Variants in CASZ1 observed in about 807,000 individuals in gnomAD.
The protein encoded by CASZ1 is castor zinc finger 1.
A neutral mutation model predicts 135.2 loss-of-function variants in CASZ1; 28 were observed. The observed-to-expected ratio is 0.21, with a 90% confidence interval of 0.15 to 0.28. CASZ1 has a LOEUF of 0.28. Ranked by LOEUF, CASZ1 falls within the 10% of genes least tolerant of loss-of-function variation. CASZ1 has a pLI of 1.00. For missense variants in CASZ1, 2,161 were observed against 2,453.3 expected (o/e 0.88, Z 2.52); for synonymous variants, 1,068 against 1,073.4 (o/e 0.99, Z 0.10).
chr1:10,747,289 G>T lies in CASZ1; in HGVS notation c.-77+13412C>A, dbSNP rs1014453945. Among the ~76,000 whole-genome samples, 2 of 152,180 alleles carry T rather than the reference G, an allele frequency of 1.3e-5. No individual in the cohort carries two copies. Among genetic ancestry groups the T allele is most frequent in the African/African-American group, 2.4e-5 (1 of 41,432 alleles). ...AGGTGGGGTCTGCAGAGAGAGGCAGGGTTCTGAATACGCTCATCTTTCGTA... is the reference window on the plus strand; with the variant it reads ...AGGTGGGGTCTGCAGAGAGAGGCAGTGTTCTGAATACGCTCATCTTTCGTA... On this transcript the variant is annotated intron_variant, in intron 2 of 20. Coordinates refer to ENST00000377022, the MANE Select transcript of CASZ1 (RefSeq NM_001079843.3). The surrounding 1 kb of genome is among the most constrained non-coding windows in gnomAD (Gnocchi z 4.3).
rs533293338 is a variant in CASZ1 at position 10,651,012 on chromosome 1, C to G, written c.2745G>C (p.Glu915Asp). The change falls in exon 12 of 21, where the codon GAG becomes GAC. Residue 915 changes from glutamate to aspartate, a missense_variant. By Grantham distance (45) the Glu-to-Asp change is conservative. Transcript: ENST00000377022. ...PPAQVKPEPG[E>D]STGAPGPHEA... The stretch of plus-strand genomic sequence containing the variant: ...CGTGGGGGCCTGGGGCGCCGGTGCT[C>G]TCACCGGGTTCCGGCTTCACTTGGG... 4.5e-6 allele frequency: 7 copies of G among 1,568,510 alleles called. No homozygotes were observed. The South Asian group carries it at 8.4e-5, about 19-fold the overall frequency.
Position 10,776,913 on chromosome 1 carries a change from A to T in CASZ1, c.-233-16056T>A, listed in dbSNP as rs1359507011. On this transcript the variant is annotated intron_variant, in intron 1 of 20. Transcript: ENST00000377022. This position sits in a 1 kb window ranked among gnomAD's most constrained non-coding sequence, Gnocchi z 4.1. ...CAGTCCCTAAAACCAGTCACCCCCA[A>T]ACACAGCCCCACCATCTGATCCCCT... Among the ~76,000 whole-genome samples the T allele has an allele frequency of 6.6e-6, 1 of 152,134 alleles. No individual in the cohort carries two copies. Among genetic ancestry groups the T allele is most frequent in the Non-Finnish European group, 1.5e-5 (1 of 67,996 alleles).
intron 1 of CASZ1, among the ~76,000 whole-genome samples, chr1:10,778,947 A>G (rs1209027300): frequency 2.6e-5 from 4 of 152,218 alleles, no homozygotes; most frequent in African/African-American, 9.7e-5. Context: ...ATCCTAGCCC[A>G]GAGGTGGGTA....
chr1:10,679,092 G>A lies in CASZ1; in HGVS notation c.17-13521C>T, dbSNP rs1638331980. ...CCTCCATCACTGCTCCCTGGGCCATGAAGAGCTGAGGTTCAGGAGGGGTAC... is the reference window on the plus strand; with the variant it reads ...CCTCCATCACTGCTCCCTGGGCCATAAAGAGCTGAGGTTCAGGAGGGGTAC... On this transcript the variant is annotated intron_variant, in intron 4 of 20. Transcript: ENST00000377022. This position sits in a 1 kb window ranked among gnomAD's most constrained non-coding sequence, Gnocchi z 4.7. Among the ~76,000 whole-genome samples, 1 of 152,190 alleles carries A rather than the reference G, an allele frequency of 6.6e-6. No individual in the cohort carries two copies. Among genetic ancestry groups the A allele is most frequent in the South Asian group, 2.1e-4 (1 of 4,824 alleles).
rs532929836 is a variant in CASZ1 at position 10,733,915 on chromosome 1, C to T, written c.-77+26786G>A. The stretch of plus-strand genomic sequence containing the variant: ...TCCATGAAATAATGCAGCTAAAGGG[C>T]GTGGCACAGCACTTGGCACATACTA... On this transcript the variant is annotated intron_variant, in intron 2 of 20. Transcript: ENST00000377022. Among the ~76,000 whole-genome samples, 15 of 152,244 alleles carry T rather than the reference C, an allele frequency of 9.9e-5. 1 individual carries two copies. Among genetic ancestry groups the T allele is most frequent in the African/African-American group, 4.8e-5 (2 of 41,548 alleles).
At chr1:10,705,854 C>T (rs544716653) in intron 2 of CASZ1, among the ~76,000 whole-genome samples, 28 of 152,394 alleles carry the variant, frequency 1.8e-4, no homozygotes, top group Non-Finnish European at 2.6e-4. Context: ...GTGCACACTG[C>T]TCCGTGGAGG....
chr1:10,663,960 C>G (rs758038554), intron 5 of CASZ1, among the ~76,000 whole-genome samples: 2 of 152,294 alleles, frequency 1.3e-5, no homozygotes, highest in South Asian at 2.1e-4. Flanking sequence ...TGGCCCTTGT[C>G]GCGTTCCTCT....
At position 10,707,212 on chromosome 1, in the gene CASZ1, CCCTT is replaced by C. The variant is rs1639195806; in HGVS notation, c.-76-1672_-76-1669del. Among the ~76,000 whole-genome samples, 1 of 152,182 alleles carries C rather than the reference CCCTT, an allele frequency of 6.6e-6. No individual in the cohort carries two copies. The highest frequency in any genetic ancestry group is 6.5e-5 in the Admixed American group (1 of 15,282). On this transcript the variant is annotated intron_variant, in intron 2 of 20. Transcript: ENST00000377022. This position sits in a 1 kb window ranked among gnomAD's most constrained non-coding sequence, Gnocchi z 5.0. ...CCCCAACTCCACAACTCTGGTATCT[CCCTT>C]CCACCACCTTTCTCTCCCCTCCCAT...
rs553090828 is a variant in CASZ1 at position 10,737,732 on chromosome 1, C to T, written c.-77+22969G>A. The stretch of plus-strand genomic sequence containing the variant: ...GCACAGGCCACCCGGGCCTCCCACT[C>T]ACCAAGGCCAGGGCCTGGCCCCAGC... On this transcript the variant is annotated intron_variant, in intron 2 of 20. Coordinates refer to ENST00000377022, the MANE Select transcript of CASZ1 (RefSeq NM_001079843.3). Among the ~76,000 whole-genome samples, 17 of 152,376 alleles carry T rather than the reference C, an allele frequency of 1.1e-4. 1 individual carries two copies. Among genetic ancestry groups the T allele is most frequent in the Admixed American group, 9.1e-4 (14 of 15,314 alleles).
chr1:10,705,158 G>C (rs555240113), intron 3 of CASZ1, among the ~76,000 whole-genome samples: 1 of 152,236 alleles, frequency 6.6e-6, no homozygotes, highest in South Asian at 2.1e-4. Context: ...CTGTGAGAGC[G>C]GGCACCGCAG....
At chr1:10,750,947 C>T (rs927389122) in intron 2 of CASZ1, among the ~76,000 whole-genome samples, 1 of 151,170 alleles carries the variant, frequency 6.6e-6, no homozygotes, top group Non-Finnish European at 1.5e-5. Context: ...TAAAAGGAGG[C>T]TGAGCTGGAC....
intron 4 of CASZ1, among the ~76,000 whole-genome samples, chr1:10,681,098 G>A (rs989421525): frequency 1.3e-5 from 2 of 152,010 alleles, no homozygotes; most frequent in African/African-American, 4.8e-5. Flanking sequence ...ACGGGGTTTC[G>A]CCATGTTGGC....
At chr1:10,663,134 C>A (rs768297170) in intron 5 of CASZ1, among the ~76,000 whole-genome samples, 1 of 152,174 alleles carries the variant, frequency 6.6e-6, no homozygotes, top group African/African-American at 2.4e-5. Flanking sequence ...ACACTTGGGG[C>A]GGCAGGACCC....
At chr1:10,796,363 G>A (rs1318492876) in intron 1 of CASZ1, among the ~76,000 whole-genome samples, 1 of 152,140 alleles carries the variant, frequency 6.6e-6, no homozygotes, top group African/African-American at 2.4e-5. Flanking sequence ...CGCACGGCCG[G>A]AGTTGGGTGG....
intron 2 of CASZ1, among the ~76,000 whole-genome samples, chr1:10,738,079 G>A (rs1356772054): frequency 6.6e-6 from 1 of 152,208 alleles, no homozygotes; most frequent in African/African-American, 2.4e-5. Flanking sequence ...GTTTACCCTT[G>A]GCAAGGGTGG....
In CASZ1 at chr1:10,637,185, C is replaced by G. The variant is rs1372969092; in HGVS notation, c.*1757G>C. 1 of 146,014 alleles carries G rather than the reference C, an allele frequency of 6.8e-6. No individual in the cohort carries two copies. Among genetic ancestry groups the G allele is most frequent in the Non-Finnish European group, 1.5e-5 (1 of 66,252 alleles). The allele number at this position is 146,014 out of a possible 1,614,324, so 9.0% of individuals were successfully genotyped here. ...TGTTTGTGTGTGTGTGTTTTTTTTT[C>G]CTTTACAAAACTCCTTCCACAGACG... On this transcript the variant is annotated 3_prime_UTR_variant, in exon 21 of 21. Coordinates refer to ENST00000377022, the MANE Select transcript of CASZ1 (RefSeq NM_001079843.3).
intron 11 of CASZ1, chr1:10,652,394 G>A (rs1642623792): frequency 6.6e-6 from 1 of 152,310 alleles, no homozygotes; most frequent in Non-Finnish European, 1.5e-5. Flanking sequence ...CCCGCCTGCT[G>A]TGTCCCCAGC....
Position 10,649,339 on chromosome 1 carries a change from G to C in CASZ1, c.2979C>G (p.Ala993=). 4 of 1,599,220 alleles carry C rather than the reference G, an allele frequency of 2.5e-6. No homozygotes were observed. The highest frequency in any genetic ancestry group is 2.2e-5 in the South Asian group (2 of 88,894). ...ACTTCTCCTGAACCAGCGCCTTCAC[G>C]GCCTTGCCTAGGAAGGGCGAGGGCT... ...AAEPSPFLGK[A]VKALVQEKLA... Residue 993 remains alanine, a synonymous_variant, in exon 14 of 21, where the codon GCC becomes GCG. Coordinates refer to ENST00000377022, the MANE Select transcript of CASZ1 (RefSeq NM_001079843.3).
chr1:10,685,866 G>T (rs1004800288), intron 4 of CASZ1, among the ~76,000 whole-genome samples: 1 of 152,250 alleles, frequency 6.6e-6, no homozygotes, highest in Non-Finnish European at 1.5e-5. Context: ...GGGAGGGGAC[G>T]CTGGGAGAGA....
Sources: allele counts gnomAD v4.1 joint callset (sites outside exome capture counted in the v4.1 genomes callset), GRCh38; gene constraint gnomAD v4.1.1; non-coding constraint Gnocchi (gnomAD v3.1); transcripts MANE v1.5; gene names NCBI Gene and HGNC (gene_info 2026-07-23, HGNC 2026-07-21).